Variants in FNBP1L observed in about 807,000 individuals in gnomAD.
FNBP1L encodes formin binding protein 1 like, also known as formin-binding protein 1-like.
FNBP1L carries 36 observed loss-of-function variants against 91.2 expected under a neutral mutation model. That is an observed-to-expected ratio of 0.39 (90% CI 0.30 to 0.52). The LOEUF is 0.52. Among genes scored for constraint, FNBP1L ranks in the 20% least tolerant of loss-of-function variants. The pLI, the probability that FNBP1L is intolerant of heterozygous loss-of-function variation, is 0.66. For synonymous variants in FNBP1L, 242 were observed against 237.0 expected (o/e 1.02, Z -0.19); for missense variants, 571 against 732.1 (o/e 0.78, Z 2.54).
chr1:93,451,909 C>T (rs111553105), intron 1 of FNBP1L, among the ~76,000 whole-genome samples: 100 of 152,312 alleles, frequency 6.6e-4, no homozygotes, highest in African/African-American at 2.1e-3. Context: ...CTCGGCCTCT[C>T]AAAGTGCTGG....
intron 6 of FNBP1L, among the ~76,000 whole-genome samples, chr1:93,530,432 C>T (rs1367308363): frequency 6.6e-6 from 1 of 151,832 alleles, no homozygotes; most frequent in Non-Finnish European, 1.5e-5. Context: ...ATAATGTTTT[C>T]ATTTGTTTGT....
intron 2 of FNBP1L, among the ~76,000 whole-genome samples, chr1:93,518,762 TTC>T (rs1391362162): frequency 2.6e-5 from 4 of 152,216 alleles, no homozygotes; most frequent in African/African-American, 9.6e-5. Context: ...CACTTGAGTG[TTC>T]TTTTAGTGTA....
intron 2 of FNBP1L, among the ~76,000 whole-genome samples, chr1:93,510,234 G>C (rs1168082841): frequency 6.6e-6 from 1 of 152,160 alleles, no homozygotes; most frequent in Admixed American, 6.5e-5. Flanking sequence ...GAGAACAGTG[G>C]TTCTCCCAGC....
intron 3 of FNBP1L, 103 bp from the exon 4 acceptor site, chr1:93,523,241 T>G (rs147596182): frequency 8.4e-7 from 1 of 1,195,196 alleles, no homozygotes; most frequent in African/African-American, 1.6e-5. Context: ...AGATTTAGGT[T>G]GAATATGCTA....
chr1:93,537,636 A>G (rs953564226), intron 10 of FNBP1L, among the ~76,000 whole-genome samples: 1 of 151,982 alleles, frequency 6.6e-6, no homozygotes, highest in African/African-American at 2.4e-5. Context: ...GTCTTACCTA[A>G]TTCTATATGT....
At chr1:93,496,655 C>T (rs569688908) in intron 1 of FNBP1L, among the ~76,000 whole-genome samples, 14 of 152,196 alleles carry the variant, frequency 9.2e-5, no homozygotes, top group African/African-American at 1.9e-4. Context: ...TCTCTTGCCT[C>T]GGCCTCCCAA....
rs1670790738 is a variant in FNBP1L, at chr1:93,510,404, G to A, written c.140+10821G>A. ...AGACCTGCAGCTGAGGGTCCTGTCT[G>A]TTAGAAGGAAAACTAACAAACAGAA... is the stretch of plus-strand genomic sequence containing the variant. On this transcript the variant is annotated intron_variant, in intron 2 of 16. Coordinates refer to ENST00000271234, the MANE Select transcript of FNBP1L (RefSeq NM_001164473.3). 2.6e-5 allele frequency among the ~76,000 whole-genome samples: 4 copies of A among 152,162 alleles called. No individual in the cohort carries two copies. In the South Asian group the frequency reaches 6.2e-4, roughly 24 times the overall value.
chr1:93,506,922 A>G (rs1670637522), intron 2 of FNBP1L, among the ~76,000 whole-genome samples: 2 of 152,146 alleles, frequency 1.3e-5, no homozygotes, highest in Non-Finnish European at 2.9e-5. Context: ...CACATATATA[A>G]CTAATATGTA....
intron 1 of FNBP1L, among the ~76,000 whole-genome samples, chr1:93,490,179 T>G (rs1670047754): frequency 1.3e-5 from 2 of 152,164 alleles, no homozygotes; most frequent in Admixed American, 1.3e-4. Flanking sequence ...TTTTTTTAAA[T>G]TAAATTACAT....
intron 12 of FNBP1L, among the ~76,000 whole-genome samples, chr1:93,545,062 T>C (rs1200278052): frequency 1.3e-5 from 2 of 152,136 alleles, no homozygotes; most frequent in Non-Finnish European, 2.9e-5. Context: ...CCTTATTTCA[T>C]ATATGATGTT....
intron 1 of FNBP1L, among the ~76,000 whole-genome samples, chr1:93,493,831 C>G (rs1670176259): frequency 6.6e-6 from 1 of 152,112 alleles, no homozygotes; most frequent in African/African-American, 2.4e-5. Flanking sequence ...TGGAAAGTCT[C>G]TTGAAATTTT....
intron 1 of FNBP1L, among the ~76,000 whole-genome samples, chr1:93,488,911 G>T (rs1241367282): frequency 6.6e-6 from 1 of 152,162 alleles, no homozygotes; most frequent in Non-Finnish European, 1.5e-5. Flanking sequence ...TTCTCTTTTA[G>T]TGAAGTAGGA....
intron 2 of FNBP1L, among the ~76,000 whole-genome samples, chr1:93,517,005 C>T (rs1008571650): frequency 1.3e-5 from 2 of 150,782 alleles, no homozygotes; most frequent in African/African-American, 4.9e-5. Context: ...TCACCCTGTT[C>T]TTCCTCTTCC....
At chr1:93,473,857 G>GAGGC (rs1669393308) in intron 1 of FNBP1L, among the ~76,000 whole-genome samples, 1 of 152,184 alleles carries the variant, frequency 6.6e-6, no homozygotes, top group Non-Finnish European at 1.5e-5. Context: ...AGGGCAAGGA[G>GAGGC]AGGCATTGGT....
chr1:93,487,425 A>G (rs947681207), intron 1 of FNBP1L, among the ~76,000 whole-genome samples: 2 of 152,186 alleles, frequency 1.3e-5, no homozygotes, highest in South Asian at 2.1e-4. Context: ...ACAGTCTGAA[A>G]TGTTACAAAG....
intron 2 of FNBP1L, among the ~76,000 whole-genome samples, chr1:93,512,984 G>T (rs550886450): frequency 7.2e-4 from 109 of 152,170 alleles, no homozygotes; most frequent in Non-Finnish European, 8.8e-4. Flanking sequence ...GAATCCAGGA[G>T]CTGGTTTTTT....
chr1:93,487,145 T>A (rs2624436), intron 1 of FNBP1L, among the ~76,000 whole-genome samples: 72,300 of 152,038 alleles, frequency 0.48, 18,866 homozygotes, highest in African/African-American at 0.7. Context: ...TTTTTACTAC[T>A]TTTAATAGCA....
chr1:93,524,973 C>T (rs1440039473), intron 5 of FNBP1L, among the ~76,000 whole-genome samples: 1 of 151,608 alleles, frequency 6.6e-6, no homozygotes, highest in Admixed American at 6.6e-5. Context: ...TTCTTAAATG[C>T]TCTCGTATAT....
intron 2 of FNBP1L, among the ~76,000 whole-genome samples, chr1:93,517,598 C>T (rs1300722034): frequency 6.6e-6 from 1 of 152,194 alleles, no homozygotes; most frequent in Non-Finnish European, 1.5e-5. Flanking sequence ...CAAAAGCAGC[C>T]ATAGACAATA....
Sources: gnomAD v4.1 joint callset for allele counts (sites outside exome capture counted in the v4.1 genomes callset) on GRCh38, gnomAD v4.1.1 for gene constraint, MANE v1.5 for transcripts, NCBI Gene and HGNC (gene_info 2026-07-23, HGNC 2026-07-21) for gene names.